Variants in CCDC77 observed in about 807,000 individuals in gnomAD.
The protein encoded by CCDC77 is coiled-coil domain containing 77.
A neutral mutation model predicts 66.8 loss-of-function variants in CCDC77; 56 were observed. The observed-to-expected ratio is 0.84, with a 90% CI of 0.68 to 1.05. CCDC77 has a LOEUF of 1.05. Among genes scored for constraint, CCDC77 ranks in the 50% least tolerant of loss-of-function variants. CCDC77 has a pLI of 0.00. For missense variants in CCDC77, 570 were observed against 576.8 expected, an observed-to-expected ratio of 0.99 and a Z score of 0.12; for synonymous variants, 196 against 195.2, an observed-to-expected ratio of 1.00 and a Z score of -0.03.
chr12:424,619 A>G (rs894089495), intron 5 of CCDC77, among the ~76,000 whole-genome samples: 12 of 152,088 alleles, frequency 7.9e-5, no homozygotes, highest in African/African-American at 2.9e-4. Context: ...ATGAACCACT[A>G]TGCCGAGCCA....
Position 431,066 on chromosome 12 carries a change from C to CAAA in CCDC77, c.583+347_583+349dup, listed in dbSNP as rs372949107. On this transcript the variant is annotated intron_variant, in intron 7 of 12. Coordinates refer to ENST00000239830, the MANE Select transcript of CCDC77 (RefSeq NM_032358.4). ...TTGCGTGACAGAGCAAGACTATCTC[C>CAAA]AAAAAAAAAAAAAAAAAAACAGAAC... is the stretch of plus-strand genomic sequence containing the variant. 4.2e-3 allele frequency among the ~76,000 whole-genome samples: 447 copies of CAAA among 105,554 alleles called. 10 individuals are homozygous for CAAA. Among genetic ancestry groups the CAAA allele is most frequent in the African/African-American group, 0.015 (415 of 27,142 alleles). The allele number at this position is 105,554 out of a possible 152,430, so 69.2% of individuals were successfully genotyped here. A position where few individuals can be genotyped will look rare whatever the true frequency, so the allele number is the denominator to read the frequency against.
chr12:440,562 A>G, intron 10 of CCDC77, 55 bp from the exon 11 acceptor site: 1 of 1,589,908 alleles, frequency 6.3e-7, no homozygotes, highest in Non-Finnish European at 8.6e-7. Context: ...AAGCTACTTG[A>G]ATTACCTGAA....
chr12:406,188 G>A (rs555241195), intron 2 of CCDC77, among the ~76,000 whole-genome samples: 2 of 152,214 alleles, frequency 1.3e-5, no homozygotes, highest in Admixed American at 6.5e-5. Flanking sequence ...GAGATTACAG[G>A]CGTGAGCCAC....
chr12:422,070 T>A (rs1945405402), intron 5 of CCDC77, among the ~76,000 whole-genome samples: 1 of 32,102 alleles, frequency 3.1e-5, no homozygotes, highest in South Asian at 2.5e-3. Flanking sequence ...GCACCCTCCA[T>A]GCTCCATTAC....
At chr12:433,603 T>C in intron 9 of CCDC77, 1 of 432,672 alleles carries the variant, frequency 2.3e-6, no homozygotes, top group Non-Finnish European at 3.4e-6. Context: ...GTGCAGTGGC[T>C]CACGCCTGTA....
rs1300619277 is a variant in CCDC77 at position 441,768 on chromosome 12, C to T, written c.1321-6C>T. ...TTCTTTTTTTTTTTTTTTTTCAAAC[C>T]CCTAGGCAACAGTTAATGCCCGGGC... On this transcript the variant is annotated splice_polypyrimidine_tract_variant and splice_region_variant and intron_variant, in intron 12 of 12. Transcript: ENST00000239830. 5.6e-6 allele frequency: 9 copies of T among 1,604,782 alleles called. No homozygotes were observed. The highest frequency in any genetic ancestry group is 7.6e-6 in the Non-Finnish European group (9 of 1,177,306).
chr12:435,938 C>G (rs1253739375), intron 9 of CCDC77, among the ~76,000 whole-genome samples: 1 of 151,980 alleles, frequency 6.6e-6, no homozygotes, highest in Non-Finnish European at 1.5e-5. Flanking sequence ...TGGGGTCTTG[C>G]TATATTGCCC....
intron 10 of CCDC77, among the ~76,000 whole-genome samples, chr12:439,478 C>T (rs1325702930): frequency 1.3e-5 from 2 of 149,450 alleles, no homozygotes; most frequent in African/African-American, 2.5e-5. Context: ...TGAGATCATG[C>T]GATTGTACTC....
At chr12:440,536 T>C (rs1036419861) in intron 10 of CCDC77, 81 bp from the exon 11 acceptor site, 90 of 1,517,442 alleles carry the variant, frequency 5.9e-5, no homozygotes, top group Non-Finnish European at 7.6e-5. Context: ...CTTCTTTTCT[T>C]TCTTTCTTTG....
intron 4 of CCDC77, among the ~76,000 whole-genome samples, chr12:417,612 A>G (rs1945310764): frequency 6.6e-6 from 1 of 152,204 alleles, no homozygotes; most frequent in African/African-American, 2.4e-5. Context: ...TATAGGAAAC[A>G]TTACTAAAAA....
At chr12:423,267 G>T (rs561510641) in intron 5 of CCDC77, among the ~76,000 whole-genome samples, 2 of 146,288 alleles carry the variant, frequency 1.4e-5, no homozygotes, top group East Asian at 4.0e-4. Flanking sequence ...GTGACTACAT[G>T]CATGTGCTGC....
At chr12:391,978 C>G (rs1298741356) in intron 1 of CCDC77, among the ~76,000 whole-genome samples, 1 of 152,198 alleles carries the variant, frequency 6.6e-6, no homozygotes, top group Non-Finnish European at 1.5e-5. Context: ...TCCCACCTCT[C>G]ATGCTTACCC....
At chr12:438,748 C>G (rs1945802174) in intron 10 of CCDC77, 194 bp downstream of exon 10, 1 of 485,878 alleles carries the variant, frequency 2.1e-6, no homozygotes, top group Non-Finnish European at 3.7e-6. Context: ...CTTGTTGATT[C>G]ATTCATTCAT....
intron 6 of CCDC77, among the ~76,000 whole-genome samples, chr12:429,474 T>TA (rs1945605693): frequency 6.6e-6 from 1 of 151,956 alleles, no homozygotes; most frequent in African/African-American, 2.4e-5. Flanking sequence ...TTTTTTTTTT[T>TA]TTTTGAGACA....
intron 3 of CCDC77, among the ~76,000 whole-genome samples, chr12:411,298 C>T (rs568822350): frequency 7.2e-5 from 11 of 151,986 alleles, no homozygotes; most frequent in South Asian, 2.1e-4. Flanking sequence ...CTCAGCCTCC[C>T]GAGTAGCTGG....
At chr12:405,904 A>T (rs117894552) in intron 2 of CCDC77, among the ~76,000 whole-genome samples, 1 of 145,430 alleles carries the variant, frequency 6.9e-6, no homozygotes, top group East Asian at 2.0e-4. Context: ...TTAGATGGTT[A>T]TAAGTGTTCA....
chr12:431,378 C>G (rs11062945), intron 7 of CCDC77, among the ~76,000 whole-genome samples: 26,760 of 151,952 alleles, frequency 0.18, 3,000 homozygotes, highest in Non-Finnish European at 0.25. Flanking sequence ...GCCACCACAC[C>G]TGGCTAATTT....
In CCDC77 at chr12:409,410, T is replaced by C. The variant is rs558563379; in HGVS notation, c.27T>C (p.Pro9=). The change falls in exon 3 of 13, where the codon CCT becomes CCC. Residue 9 remains proline, a synonymous_variant. Coordinates refer to ENST00000239830, the MANE Select transcript of CCDC77 (RefSeq NM_032358.4). The part of the protein sequence containing the change: MNFTPTHT[P]VCRKRTVVSK... ...TGAACTTTACCCCAACACACACCCC[T>C]GTCTGCAGAAAGTAAGACATTTGCT... 3 of 1,613,412 alleles carry C rather than the reference T, an allele frequency of 1.9e-6. No individual in the cohort carries two copies. In the South Asian group the frequency reaches 3.3e-5, roughly 18 times the overall value.
At chr12:415,349 C>T (rs200999052) in intron 4 of CCDC77, among the ~76,000 whole-genome samples, 12,154 of 73,684 alleles carry the variant, frequency 0.16, 1,377 homozygotes, top group Middle Eastern at 0.28. Context: ...TTAATATAAT[C>T]AACATAATAT....
Sources: gnomAD v4.1 joint callset for allele counts (sites outside exome capture counted in the v4.1 genomes callset) on GRCh38, gnomAD v4.1.1 for gene constraint, MANE v1.5 for transcripts, NCBI Gene and HGNC (gene_info 2026-07-23, HGNC 2026-07-21) for gene names.